The following TRPM3 variants were observed in gnomAD, a reference collection of about 807,000 sequenced individuals.
TRPM3 encodes the protein transient receptor potential cation channel subfamily M member 3, also known as long transient receptor potential channel 3.
A neutral mutation model predicts 181.2 loss-of-function variants in TRPM3; 77 were observed. The ratio of observed to expected loss-of-function variants is 0.42; its 90% CI spans 0.35 to 0.51. The LOEUF (loss-of-function observed/expected upper bound fraction) is 0.51, where lower values mean the gene tolerates loss of function less well. TRPM3 is among the 20% of genes least tolerant of loss of function. The probability of loss-of-function intolerance (pLI) is 0.01; values close to 1 mark genes in which losing one functional copy is unlikely to be tolerated. For synonymous variants in TRPM3, 745 were observed against 796.4 expected (o/e 0.94, Z 1.09); for missense variants, 1,759 against 2,196.7 (o/e 0.80, Z 3.98).
chr9:71,382,085 G>A (rs1378269432), intron 1 of TRPM3, among the ~76,000 whole-genome samples: 2 of 152,066 alleles, frequency 1.3e-5, no homozygotes, highest in African/African-American at 4.8e-5. Context: ...TGTGGTACTG[G>A]TTAAGAACAT....
chr9:70,636,742 C>T (rs897511446), intron 11 of TRPM3, among the ~76,000 whole-genome samples: 50 of 144,856 alleles, frequency 3.5e-4, no homozygotes, highest in Admixed American at 3.4e-3. Flanking sequence ...GGCTGGAGTG[C>T]GGTGGTGTGA....
At chr9:71,435,429 C>A (rs2131631688) in intron 1 of TRPM3, among the ~76,000 whole-genome samples, 1 of 152,250 alleles carries the variant, frequency 6.6e-6, no homozygotes, top group East Asian at 1.9e-4. Context: ...CATTCACATA[C>A]CCAAATTTAC....
intron 1 of TRPM3, among the ~76,000 whole-genome samples, chr9:71,411,024 T>C (rs112002144): frequency 1.2e-4 from 19 of 152,092 alleles, no homozygotes; most frequent in East Asian, 1.9e-4. Context: ...TCAATAGATG[T>C]AGAAAAGGCC....
intron 1 of TRPM3, among the ~76,000 whole-genome samples, chr9:71,084,626 A>G (rs1490540956): frequency 3.3e-5 from 5 of 152,094 alleles, no homozygotes; most frequent in Admixed American, 2.6e-4. Context: ...ATTCTAGATG[A>G]TACAAACAAA....
intron 1 of TRPM3, among the ~76,000 whole-genome samples, chr9:70,892,884 G>T (rs1437980834): frequency 6.6e-6 from 1 of 152,076 alleles, no homozygotes; most frequent in Admixed American, 6.6e-5. Context: ...TGTTTTGATT[G>T]TTACCTTCAC....
At chr9:71,194,297 G>T (rs2078209415) in intron 1 of TRPM3, among the ~76,000 whole-genome samples, 2 of 151,862 alleles carry the variant, frequency 1.3e-5, no homozygotes, top group South Asian at 4.2e-4. Flanking sequence ...GCAACCAGGA[G>T]GATTGATTGT....
chr9:70,865,722 A>G (rs2095636164), intron 1 of TRPM3, among the ~76,000 whole-genome samples: 1 of 152,072 alleles, frequency 6.6e-6, no homozygotes, highest in East Asian at 1.9e-4. Context: ...GTGGCACCGA[A>G]GGCAGTAATT....
At chr9:70,777,869 A>G (rs1242235378) in intron 7 of TRPM3, among the ~76,000 whole-genome samples, 1 of 152,138 alleles carries the variant, frequency 6.6e-6, no homozygotes, top group East Asian at 1.9e-4. Context: ...CTTCACTTAA[A>G]TTTTAAGCAT....
intron 8 of TRPM3, among the ~76,000 whole-genome samples, chr9:70,750,989 A>T (rs1212063721): frequency 1.3e-5 from 2 of 152,196 alleles, no homozygotes; most frequent in African/African-American, 2.4e-5. Flanking sequence ...AGAAAAAAAA[A>T]AAAGGTCTTA....
intron 3 of TRPM3, among the ~76,000 whole-genome samples, chr9:70,850,449 A>T (rs1366722881): frequency 1.3e-5 from 2 of 152,194 alleles, no homozygotes; most frequent in Non-Finnish European, 2.9e-5. Context: ...GAATAAATAA[A>T]TAAAGGGGCA....
intron 1 of TRPM3, among the ~76,000 whole-genome samples, chr9:71,366,785 C>G (rs867070894): frequency 1.6e-4 from 24 of 152,130 alleles, no homozygotes; most frequent in Middle Eastern, 3.4e-3. Flanking sequence ...TTACTATTTA[C>G]TCATTACTAT....
At chr9:70,749,338 A>T (rs1220750784) in intron 8 of TRPM3, among the ~76,000 whole-genome samples, 1 of 152,202 alleles carries the variant, frequency 6.6e-6, no homozygotes, top group East Asian at 1.9e-4. Context: ...ATGTTACCAT[A>T]CTATAAAGTC....
At chr9:70,753,878 G>A (rs764271432) in intron 8 of TRPM3, among the ~76,000 whole-genome samples, 3 of 152,122 alleles carry the variant, frequency 2.0e-5, no homozygotes, top group Non-Finnish European at 4.4e-5. Flanking sequence ...AGGTCTGGCC[G>A]CTGTCAGGGG....
At position 70,591,068 on chromosome 9, in the gene TRPM3, C is replaced by T. The variant is rs1318044219; in HGVS notation, c.3186G>A (p.Trp1062Ter). Residue 1062 changes from tryptophan (W) to a stop codon, truncating the protein, a stop_gained, in exon 22 of 26, where the codon TGG (tryptophan) becomes TGA (stop). Coordinates refer to ENST00000677713, the MANE Select transcript of TRPM3 (RefSeq NM_001366145.2). LOFTEE classifies it high-confidence loss of function. The part of the protein sequence containing the change: ...LAKNIFYMPY[W>*]MIYGEVFADQ... ...CCGCAAACACTTCCCCATAAATCAT[C>T]CAATAGGGCATGTAGAAGATGTTCT... 1 of 1,614,134 alleles carries T rather than the reference C, an allele frequency of 6.2e-7. No individual in the cohort carries two copies. The highest frequency in any genetic ancestry group is 1.1e-5 in the South Asian group (1 of 91,080).
At chr9:70,606,651 G>GTATATATATATA (rs1554775917) in intron 19 of TRPM3, among the ~76,000 whole-genome samples, 1 of 140,682 alleles carries the variant, frequency 7.1e-6, no homozygotes, top group African/African-American at 2.6e-5. Context: ...GTGTGTGTGT[G>GTATATATATATA]TATATATATA....
chr9:71,370,986 G>A (rs977948765), intron 1 of TRPM3, among the ~76,000 whole-genome samples: 1 of 151,944 alleles, frequency 6.6e-6, no homozygotes, highest in African/African-American at 2.4e-5. Context: ...AAATGGAAAA[G>A]CAAAGCCTGG....
intron 1 of TRPM3, among the ~76,000 whole-genome samples, chr9:71,421,953 G>A (rs993495866): frequency 5.9e-5 from 9 of 151,872 alleles, no homozygotes; most frequent in South Asian, 2.1e-4. Flanking sequence ...GAGACTCAAC[G>A]TCCCTTTTTT....
intron 5 of TRPM3, among the ~76,000 whole-genome samples, chr9:70,830,954 A>T (rs977104724): frequency 1.8e-4 from 27 of 152,324 alleles, no homozygotes; most frequent in African/African-American, 5.8e-4. Flanking sequence ...TATGAGACAA[A>T]TCAGTGACTT....
rs530779339 is a variant in TRPM3, at chr9:70,566,276, A to C, written c.3224-12966T>G. On this transcript the variant is annotated intron_variant, in intron 22 of 25. Transcript: ENST00000677713. ...CTAAGAAGGCAAGATTTGAACAAAG[A>C]CTCCAACCTCAGATGAGGGAGTTGG... Among the ~76,000 whole-genome samples, 4 of 152,104 alleles carry C rather than the reference A, an allele frequency of 2.6e-5. No homozygotes were observed. The East Asian group carries it at 5.8e-4, about 22-fold the overall frequency.
Sources: allele counts gnomAD v4.1 joint callset (sites outside exome capture counted in the v4.1 genomes callset), GRCh38; gene constraint gnomAD v4.1.1; transcripts MANE v1.5; gene names NCBI Gene and HGNC (gene_info 2026-07-23, HGNC 2026-07-21).